PRELID2: variants seen among roughly 807,000 people sequenced by gnomAD.
PRELID2 encodes PRELI domain-containing protein 2.
Under a neutral mutation model 28.4 loss-of-function variants are expected in PRELID2, and 25 were observed. The ratio of observed to expected loss-of-function variants is 0.88; its 90% CI spans 0.64 to 1.23. The LOEUF is 1.23. Ranked by LOEUF, PRELID2 falls within the 50% of genes most tolerant of loss-of-function variation. PRELID2 has a pLI of 0.00. For missense variants in PRELID2, 201 were observed against 214.4 expected, an observed-to-expected ratio of 0.94 and a Z score of 0.39; for synonymous variants, 76 against 71.6, an observed-to-expected ratio of 1.06 and a Z score of -0.31.
At chr5:145,434,082 A>T in the PRELID2 span, among the ~76,000 whole-genome samples, 1 of 152,156 alleles carries the variant, frequency 6.6e-6, no homozygotes, top group Admixed American at 6.5e-5. Context: ...CCATGACAGA[A>T]CCATTGCCAT....
the PRELID2 span, among the ~76,000 whole-genome samples, chr5:145,335,082 C>A: frequency 6.6e-6 from 1 of 151,960 alleles, no homozygotes; most frequent in Non-Finnish European, 1.5e-5. Context: ...CTTTCTTATA[C>A]CATGAGTTTC....
chr5:145,477,908 G>A (rs1380247516), intron 1 of PRELID2, among the ~76,000 whole-genome samples: 2 of 152,058 alleles, frequency 1.3e-5, no homozygotes, highest in African/African-American at 2.4e-5. Context: ...GGGAAGTGGG[G>A]AGGAAGAGAA....
intron 1 of PRELID2, among the ~76,000 whole-genome samples, chr5:145,589,244 C>G (rs1753194185): frequency 6.6e-6 from 1 of 152,246 alleles, no homozygotes; most frequent in African/African-American, 2.4e-5. Context: ...ATAAACCAGG[C>G]TCTGGTAAAT....
At chr5:145,740,763 TA>T (rs1436791793) in intron 1 of PRELID2, among the ~76,000 whole-genome samples, 1 of 118,148 alleles carries the variant, frequency 8.5e-6, no homozygotes, top group African/African-American at 3.3e-5. Context: ...TATTTATGTA[TA>T]AATATATAAT....
intron 1 of PRELID2, among the ~76,000 whole-genome samples, chr5:145,743,808 C>T (rs190458362): frequency 1.3e-5 from 2 of 152,334 alleles, no homozygotes; most frequent in East Asian, 1.9e-4. Context: ...TACCCAGCTC[C>T]CAGGGGGAGG....
chr5:145,462,766 G>A, the PRELID2 span, among the ~76,000 whole-genome samples: 4 of 152,182 alleles, frequency 2.6e-5, no homozygotes, highest in African/African-American at 9.7e-5. Flanking sequence ...TACCGAAGGC[G>A]ACACTCTCCA....
At chr5:145,553,185 C>T (rs1015459433) in intron 1 of PRELID2, among the ~76,000 whole-genome samples, 1 of 138,270 alleles carries the variant, frequency 7.2e-6, no homozygotes, top group African/African-American at 2.9e-5. Flanking sequence ...CTAGAGGACC[C>T]CCCCCCCCAA....
At chr5:145,811,365 C>T (rs569610405) in intron 4 of PRELID2, among the ~76,000 whole-genome samples, 5 of 152,168 alleles carry the variant, frequency 3.3e-5, no homozygotes, top group East Asian at 1.9e-4. Context: ...CACAGCTCAC[C>T]GTAACCTTGA....
chr5:145,763,955 A>T (rs979628867), intron 6 of PRELID2, among the ~76,000 whole-genome samples: 3 of 152,122 alleles, frequency 2.0e-5, no homozygotes, highest in Admixed American at 2.0e-4. Flanking sequence ...GCACACCTGT[A>T]GTTCCTGCCT....
chr5:145,475,399 A>C (rs1752091158), intron 1 of PRELID2, among the ~76,000 whole-genome samples: 1 of 152,208 alleles, frequency 6.6e-6, no homozygotes, highest in African/African-American at 2.4e-5. Flanking sequence ...TATGAAACTG[A>C]AAAAATAAGC....
At chr5:145,298,088 A>G in the PRELID2 span, among the ~76,000 whole-genome samples, 1 of 152,112 alleles carries the variant, frequency 6.6e-6, no homozygotes, top group Non-Finnish European at 1.5e-5. Context: ...CAAGCTACCA[A>G]CGACTTTCTT....
At chr5:145,320,364 C>G in the PRELID2 span, among the ~76,000 whole-genome samples, 2 of 151,796 alleles carry the variant, frequency 1.3e-5, no homozygotes, top group Non-Finnish European at 2.9e-5. Context: ...TCCGCCTCAC[C>G]GCTTCACGCC....
At chr5:145,492,498 G>C (rs139938159) in intron 1 of PRELID2, among the ~76,000 whole-genome samples, 2 of 141,074 alleles carry the variant, frequency 1.4e-5, no homozygotes, top group East Asian at 4.0e-4. Flanking sequence ...TGTTACCTTT[G>C]TTTTATAGCA....
At chr5:145,602,823 G>A (rs969804438) in intron 1 of PRELID2, among the ~76,000 whole-genome samples, 3 of 151,854 alleles carry the variant, frequency 2.0e-5, no homozygotes, top group South Asian at 2.1e-4. Flanking sequence ...AACAAAATGC[G>A]GGTGAATCAC....
At chr5:145,586,531 T>C (rs1413326639) in intron 1 of PRELID2, among the ~76,000 whole-genome samples, 1 of 152,086 alleles carries the variant, frequency 6.6e-6, no homozygotes, top group Admixed American at 6.6e-5. Context: ...ACCTAACACA[T>C]AGTTTTATAA....
chr5:145,521,684 G>A (rs1752564111), intron 1 of PRELID2, among the ~76,000 whole-genome samples: 1 of 152,084 alleles, frequency 6.6e-6, no homozygotes, highest in African/African-American at 2.4e-5. Context: ...AGCTGTCTAT[G>A]GCAAGAAATG....
intron 1 of PRELID2, among the ~76,000 whole-genome samples, chr5:145,573,730 T>G (rs978388386): frequency 6.6e-6 from 1 of 152,202 alleles, no homozygotes; most frequent in African/African-American, 2.4e-5. Context: ...GTGCCACATT[T>G]TCTTTATCCA....
chr5:145,230,743 G>A, the PRELID2 span, among the ~76,000 whole-genome samples: 4 of 152,178 alleles, frequency 2.6e-5, no homozygotes, highest in African/African-American at 9.7e-5. Context: ...TTAAATGGTT[G>A]GTTTTGGCTC....
intron 1 of PRELID2, among the ~76,000 whole-genome samples, chr5:145,528,604 A>G (rs1027350666): frequency 6.6e-6 from 1 of 151,604 alleles, no homozygotes; most frequent in South Asian, 2.1e-4. Flanking sequence ...ACTTTTTGTA[A>G]GGCATACTGG....
Sources: gnomAD v4.1 joint callset for allele counts (sites outside exome capture counted in the v4.1 genomes callset) on GRCh38, gnomAD v4.1.1 for gene constraint, MANE v1.5 for transcripts, NCBI Gene and HGNC (gene_info 2026-07-23, HGNC 2026-07-21) for gene names.